SND1: variants seen among roughly 807,000 people sequenced by gnomAD.
SND1 encodes the protein staphylococcal nuclease and tudor domain containing 1, also known as staphylococcal nuclease domain-containing protein 1.
In SND1, 38 loss-of-function variants were observed where a neutral mutation model predicts 121.7. The ratio of observed to expected loss-of-function variants is 0.31; its 90% CI spans 0.24 to 0.41. The LOEUF is 0.41. Among genes scored for constraint, SND1 ranks in the 10% least tolerant of loss-of-function variants. SND1 has a pLI of 1.00. For synonymous variants in SND1, 401 were observed against 447.4 expected (o/e 0.90, Z 1.31); for missense variants, 868 against 1,184.6 (o/e 0.73, Z 3.92).
chr7:128,086,221 C>A (rs1456124219), intron 20 of SND1, among the ~76,000 whole-genome samples: 1 of 152,204 alleles, frequency 6.6e-6, no homozygotes, highest in Non-Finnish European at 1.5e-5. Flanking sequence ...CTGACTGGCA[C>A]CCTTGGGAGA....
At chr7:127,892,132 C>G (rs1347538172) in intron 13 of SND1, among the ~76,000 whole-genome samples, 1 of 152,056 alleles carries the variant, frequency 6.6e-6, no homozygotes, top group Non-Finnish European at 1.5e-5. Context: ...TTCAGAGAAA[C>G]ATTGTAAGCT....
intron 10 of SND1, among the ~76,000 whole-genome samples, chr7:127,788,856 G>A (rs565424064): frequency 3.3e-5 from 5 of 152,112 alleles, no homozygotes; most frequent in Non-Finnish European, 5.9e-5. Flanking sequence ...GCCAGTGGTC[G>A]TCCATCCTTC....
At chr7:127,996,608 C>T (rs1310903948) in intron 16 of SND1, among the ~76,000 whole-genome samples, 1 of 152,156 alleles carries the variant, frequency 6.6e-6, no homozygotes, top group Admixed American at 6.5e-5. Context: ...AATGGACGCC[C>T]AGTGAGGGTG....
intron 11 of SND1, among the ~76,000 whole-genome samples, chr7:127,825,346 T>G (rs748541713): frequency 1.3e-5 from 2 of 151,984 alleles, no homozygotes; most frequent in Non-Finnish European, 2.9e-5. Flanking sequence ...CCTGACCACA[T>G]GATCCACCTG....
At chr7:127,685,790 G>T (rs1027055547) in intron 1 of SND1, among the ~76,000 whole-genome samples, 1 of 152,162 alleles carries the variant, frequency 6.6e-6, no homozygotes, top group Non-Finnish European at 1.5e-5. Flanking sequence ...TTTCTCTCTT[G>T]TACTGTCCAC....
chr7:128,011,874 G>C (rs1803124678), intron 16 of SND1, among the ~76,000 whole-genome samples: 1 of 152,232 alleles, frequency 6.6e-6, no homozygotes, highest in African/African-American at 2.4e-5. Flanking sequence ...AGAAAAGGGG[G>C]ATAGAGATGA....
chr7:127,770,658 C>T (rs528858474), intron 10 of SND1, among the ~76,000 whole-genome samples: 1 of 151,998 alleles, frequency 6.6e-6, no homozygotes, highest in African/African-American at 2.4e-5. Context: ...AACCACTATG[C>T]CTTACTCTTT....
chr7:127,849,474 T>C (rs1374919217), intron 12 of SND1, among the ~76,000 whole-genome samples: 1 of 152,170 alleles, frequency 6.6e-6, no homozygotes, highest in Non-Finnish European at 1.5e-5. Flanking sequence ...CTACAAAATA[T>C]AACTAGGGTA....
intron 1 of SND1, among the ~76,000 whole-genome samples, chr7:127,684,625 A>C (rs1171626224): frequency 6.6e-6 from 1 of 152,288 alleles, no homozygotes; most frequent in South Asian, 2.1e-4. Flanking sequence ...ATCTTTTGGA[A>C]TGTCAGTTCC....
At chr7:128,060,738 A>G (rs1793217250) in intron 16 of SND1, among the ~76,000 whole-genome samples, 1 of 152,236 alleles carries the variant, frequency 6.6e-6, no homozygotes, top group Non-Finnish European at 1.5e-5. Flanking sequence ...CACTGTGGCA[A>G]GAAGTCCATG....
chr7:127,947,821 T>TCA (rs1801362451), intron 15 of SND1, among the ~76,000 whole-genome samples: 1 of 152,226 alleles, frequency 6.6e-6, no homozygotes, highest in African/African-American at 2.4e-5. Context: ...TCTTTTGCCC[T>TCA]CACTCAGCTC....
intron 11 of SND1, among the ~76,000 whole-genome samples, chr7:127,833,391 G>A (rs1246754406): frequency 2.0e-5 from 3 of 150,758 alleles, no homozygotes; most frequent in East Asian, 2.0e-4. Context: ...TCAGCCTCCC[G>A]AGTGCTGGGA....
chr7:127,696,336 A>G (rs747797683), intron 3 of SND1, among the ~76,000 whole-genome samples: 8 of 152,344 alleles, frequency 5.3e-5, no homozygotes, highest in Non-Finnish European at 8.8e-5. Flanking sequence ...TTAGTCTCCC[A>G]GAAAACGGCT....
chr7:127,760,290 G>A (rs193057108), intron 10 of SND1, among the ~76,000 whole-genome samples: 3 of 152,270 alleles, frequency 2.0e-5, no homozygotes, highest in East Asian at 1.9e-4. Context: ...TAATTGTGTC[G>A]GAAACCAGCC....
Position 128,092,152 on chromosome 7 carries a change from T to C in SND1, c.*94T>C. ...TCAACTCCAAACCCCAGAGAGGGGTTGTAGATTGGGTCCAGCTTTGCTTCA... is the reference window on the plus strand; with the variant it reads ...TCAACTCCAAACCCCAGAGAGGGGTCGTAGATTGGGTCCAGCTTTGCTTCA... On this transcript the variant is annotated 3_prime_UTR_variant, in exon 24 of 24. Coordinates refer to ENST00000354725, the MANE Select transcript of SND1 (RefSeq NM_014390.4). The surrounding 1 kb of genome is among the most constrained non-coding windows in gnomAD (Gnocchi z 4.9). 7.5e-7 allele frequency: 1 copy of C among 1,324,726 alleles called. No individual in the cohort carries two copies. The highest frequency in any genetic ancestry group is 1.2e-5 in the South Asian group (1 of 82,680). The allele number at this position is 1,324,726 out of a possible 1,614,324, so 82.1% of individuals were successfully genotyped here.
chr7:127,751,406 A>G (rs1041827515), intron 10 of SND1, among the ~76,000 whole-genome samples: 2 of 152,146 alleles, frequency 1.3e-5, no homozygotes, highest in African/African-American at 4.8e-5. Context: ...AGTAGTATGC[A>G]TTGTTTAGAA....
chr7:127,679,943 G>A (rs1247652821), intron 1 of SND1, among the ~76,000 whole-genome samples: 5 of 152,104 alleles, frequency 3.3e-5, no homozygotes, highest in Admixed American at 2.6e-4. Context: ...ATTTCTCTTG[G>A]ATATATACTA....
At chr7:127,756,809 C>T (rs558590389) in intron 10 of SND1, among the ~76,000 whole-genome samples, 8 of 152,118 alleles carry the variant, frequency 5.3e-5, no homozygotes, top group Admixed American at 2.0e-4. Context: ...ATTTGCACAA[C>T]GGTACATATT....
chr7:127,902,854 C>G (rs1800260992), intron 13 of SND1, among the ~76,000 whole-genome samples: 1 of 151,874 alleles, frequency 6.6e-6, no homozygotes, highest in Non-Finnish European at 1.5e-5. Flanking sequence ...GCTAGGATTA[C>G]AGGTGTGTGC....
Sources: allele counts gnomAD v4.1 joint callset (sites outside exome capture counted in the v4.1 genomes callset), GRCh38; gene constraint gnomAD v4.1.1; non-coding constraint Gnocchi (gnomAD v3.1); transcripts MANE v1.5; gene names NCBI Gene and HGNC (gene_info 2026-07-23, HGNC 2026-07-21).